NOS1AP: variants seen among roughly 807,000 people sequenced by gnomAD.
NOS1AP encodes the protein carboxyl-terminal PDZ ligand of neuronal nitric oxide synthase protein.
In NOS1AP, 21 loss-of-function variants were observed where a neutral mutation model predicts 56.2. The ratio of observed to expected loss-of-function variants is 0.37; its 90% CI spans 0.26 to 0.54. The LOEUF (loss-of-function observed/expected upper bound fraction) is 0.54, where lower values mean the gene tolerates loss of function less well. Ranked by LOEUF, NOS1AP falls within the 20% of genes least tolerant of loss-of-function variation. The pLI is 0.84. For synonymous variants in NOS1AP, 270 were observed against 274.6 expected (o/e 0.98, Z 0.17); for missense variants, 522 against 657.8 (o/e 0.79, Z 2.26).
chr1:162,280,614 A>G (rs1361895737), intron 2 of NOS1AP, among the ~76,000 whole-genome samples: 1 of 152,188 alleles, frequency 6.6e-6, no homozygotes, highest in African/African-American at 2.4e-5. Flanking sequence ...TGAGTTTTAG[A>G]TCTCCTTGGT....
Position 162,343,937 on chromosome 1 carries a change from G to A in NOS1AP, c.556G>A (p.Gly186Arg). Residue 186 changes from glycine to arginine, a missense_variant, in exon 6 of 10, where the codon GGA becomes AGA. By Grantham distance (125) the Gly-to-Arg change is moderately radical. Around this residue, in one of 4 missense-constraint regions of NOS1AP, gnomAD observed 178 missense variants for 165.0 expected, o/e 1.08. Transcript: ENST00000361897. ...TQQNADGQED[G>R]ESERNSNSSG... is the part of the protein sequence containing the mutation. ...GCAGAATGCAGATGGCCAGGAAGAT[G>A]GAGAGAGCGAGAGGAACAGCAACAG... 2 of 1,614,140 alleles carry A rather than the reference G, an allele frequency of 1.2e-6. No homozygotes were observed. Among genetic ancestry groups the A allele is most frequent in the South Asian group, 2.2e-5 (2 of 91,080 alleles).
chr1:162,234,657 G>C (rs547752121), intron 2 of NOS1AP, among the ~76,000 whole-genome samples: 28 of 152,154 alleles, frequency 1.8e-4, no homozygotes, highest in Admixed American at 1.4e-3. Context: ...TTGCTGTCCT[G>C]TTCTCCATGA....
At chr1:162,290,944 C>T (rs1655266163) in intron 3 of NOS1AP, among the ~76,000 whole-genome samples, 1 of 151,816 alleles carries the variant, frequency 6.6e-6, no homozygotes, top group South Asian at 2.1e-4. Flanking sequence ...TGTGCCAGCT[C>T]TGGAACCATG....
chr1:162,094,855 A>G (rs982239297), intron 1 of NOS1AP, among the ~76,000 whole-genome samples: 1 of 152,180 alleles, frequency 6.6e-6, no homozygotes, highest in Non-Finnish European at 1.5e-5. Flanking sequence ...TGTCCATTCC[A>G]GCTCTAATTC....
At chr1:162,340,685 C>A (rs758949521) in intron 5 of NOS1AP, among the ~76,000 whole-genome samples, 1 of 152,088 alleles carries the variant, frequency 6.6e-6, no homozygotes, top group Non-Finnish European at 1.5e-5. Flanking sequence ...AAATGGGAGG[C>A]TGAAGGATGG....
chr1:162,074,690 A>G lies in NOS1AP; in HGVS notation c.105+4408A>G, dbSNP rs137927189. Among the ~76,000 whole-genome samples the G allele has an allele frequency of 8.3e-3, 1,257 of 152,342 alleles. 12 individuals are homozygous for G. The highest frequency in any genetic ancestry group is 0.011 in the Non-Finnish European group (722 of 68,028). On this transcript the variant is annotated intron_variant, in intron 1 of 9. Transcript: ENST00000361897. ...TTTGCTTATGAATCATGGCTCAGGA[A>G]TTCAGGCAGGGCTTGGCTGGGCTGT...
At chr1:162,341,190 A>G (rs995316452) in intron 5 of NOS1AP, among the ~76,000 whole-genome samples, 2 of 152,256 alleles carry the variant, frequency 1.3e-5, no homozygotes, top group African/African-American at 4.8e-5. Context: ...AATTTTTAAT[A>G]TCATCTTAAA....
intron 1 of NOS1AP, among the ~76,000 whole-genome samples, chr1:162,126,520 CT>C (rs57170830): frequency 0.14 from 20,274 of 144,646 alleles, 1,706 homozygotes; most frequent in African/African-American, 0.25. Context: ...TTAAGGTATG[CT>C]TTTTTTTTTT....
chr1:162,094,871 C>T (rs1214131587), intron 1 of NOS1AP, among the ~76,000 whole-genome samples: 1 of 152,158 alleles, frequency 6.6e-6, no homozygotes, highest in Non-Finnish European at 1.5e-5. Flanking sequence ...AATTCCAGCA[C>T]CAGGCAGCCA....
intron 1 of NOS1AP, among the ~76,000 whole-genome samples, chr1:162,080,100 T>G (rs1293219150): frequency 6.6e-6 from 1 of 152,224 alleles, no homozygotes; most frequent in Admixed American, 6.5e-5. Flanking sequence ...GCAGAGGTAA[T>G]CTAAGCAGAA....
intron 8 of NOS1AP, among the ~76,000 whole-genome samples, chr1:162,361,995 C>T (rs1156304918): frequency 6.6e-6 from 1 of 152,214 alleles, no homozygotes; most frequent in African/African-American, 2.4e-5. Context: ...CTGTCTCAGC[C>T]TCAAGCCAGT....
chr1:162,196,021 A>T (rs1042993147), intron 2 of NOS1AP, among the ~76,000 whole-genome samples: 1 of 152,226 alleles, frequency 6.6e-6, no homozygotes, highest in East Asian at 1.9e-4. Context: ...GGTAAAGGAG[A>T]TGAAAAGGTT....
chr1:162,124,618 G>T (rs1013816937), intron 1 of NOS1AP, among the ~76,000 whole-genome samples: 1 of 151,972 alleles, frequency 6.6e-6, no homozygotes, highest in African/African-American at 2.4e-5. Context: ...TGCCTCCCAG[G>T]TTCAAGCGAT....
chr1:162,230,175 G>A (rs551037340), intron 2 of NOS1AP, among the ~76,000 whole-genome samples: 3 of 152,270 alleles, frequency 2.0e-5, no homozygotes, highest in Non-Finnish European at 4.4e-5. Flanking sequence ...GAAGTCACTG[G>A]AGCACCACAG....
intron 2 of NOS1AP, among the ~76,000 whole-genome samples, chr1:162,279,391 C>A (rs1654845356): frequency 2.6e-5 from 4 of 152,206 alleles, no homozygotes; most frequent in Admixed American, 1.3e-4. Context: ...GCCTTCCATG[C>A]CAGGGCCTGT....
At chr1:162,141,552 G>C (rs1362515644) in intron 1 of NOS1AP, among the ~76,000 whole-genome samples, 1 of 152,164 alleles carries the variant, frequency 6.6e-6, no homozygotes, top group Non-Finnish European at 1.5e-5. Flanking sequence ...CTTTGTTTCT[G>C]GGAAAATCTG....
chr1:162,193,995 C>T (rs1388523296), intron 2 of NOS1AP, among the ~76,000 whole-genome samples: 2 of 152,132 alleles, frequency 1.3e-5, no homozygotes, highest in Non-Finnish European at 2.9e-5. Context: ...TGAGGCCTCC[C>T]GTCTCACAGG....
intron 1 of NOS1AP, among the ~76,000 whole-genome samples, chr1:162,119,813 A>G (rs551725619): frequency 6.6e-6 from 1 of 152,284 alleles, no homozygotes; most frequent in South Asian, 2.1e-4. Context: ...GAGGGGATTT[A>G]CAGAGGCACT....
chr1:162,167,968 A>G (rs551708078), intron 2 of NOS1AP, among the ~76,000 whole-genome samples: 72 of 150,252 alleles, frequency 4.8e-4, no homozygotes, highest in African/African-American at 1.6e-3. Flanking sequence ...ATAACCAAAC[A>G]TGAGACACAT....
Sources: allele counts gnomAD v4.1 joint callset (sites outside exome capture counted in the v4.1 genomes callset), GRCh38; gene constraint gnomAD v4.1.1; regional missense constraint gnomAD v4.1.1; transcripts MANE v1.5; gene names NCBI Gene and HGNC (gene_info 2026-07-23, HGNC 2026-07-21).